The following ZNF679 variants were observed in gnomAD, a reference collection of about 807,000 sequenced individuals.
ZNF679 encodes hypothetical protein MGC42415.
A neutral mutation model predicts 13.4 loss-of-function variants in ZNF679; 10 were observed. That is an observed-to-expected ratio of 0.75 (90% CI 0.46 to 1.27). The LOEUF (loss-of-function observed/expected upper bound fraction) is 1.27, where lower values mean the gene tolerates loss of function less well. Ranked by LOEUF, ZNF679 falls within the 50% of genes most tolerant of loss-of-function variation. ZNF679 has a pLI of 0.00. For missense variants in ZNF679, 525 were observed against 477.8 expected (o/e 1.10, Z -0.92); for synonymous variants, 179 against 162.5 (o/e 1.10, Z -0.77).
chr7:64,237,697 A>G (rs1039842588), intron 1 of ZNF679, among the ~76,000 whole-genome samples: 1 of 152,178 alleles, frequency 6.6e-6, no homozygotes, highest in African/African-American at 2.4e-5. Context: ...CAGTTCCTCA[A>G]TACAGTCCCC....
chr7:64,257,430 T>C (rs537029723), intron 2 of ZNF679, among the ~76,000 whole-genome samples: 1 of 152,334 alleles, frequency 6.6e-6, no homozygotes, highest in East Asian at 1.9e-4. Context: ...TCTATATATT[T>C]TCTTTTAAAA....
intron 2 of ZNF679, among the ~76,000 whole-genome samples, chr7:64,256,597 CTGAG>C (rs1788007683): frequency 6.6e-6 from 1 of 150,932 alleles, no homozygotes; most frequent in Non-Finnish European, 1.5e-5. Context: ...ACTTTTTAGT[CTGAG>C]TGTGTTTATT....
At chr7:64,237,994 G>A (rs1282775449) in intron 1 of ZNF679, among the ~76,000 whole-genome samples, 1 of 152,108 alleles carries the variant, frequency 6.6e-6, no homozygotes, top group Non-Finnish European at 1.5e-5. Context: ...TGTTCTGTAA[G>A]AACAACTTAC....
chr7:64,235,785 G>A (rs978027165), intron 1 of ZNF679, among the ~76,000 whole-genome samples: 13 of 85,558 alleles, frequency 1.5e-4, no homozygotes, highest in East Asian at 8.1e-4. Flanking sequence ...GCGAAACCCC[G>A]TCAAGAAAGA....
At chr7:64,263,894 TG>T (rs1444689254) in intron 4 of ZNF679, among the ~76,000 whole-genome samples, 1 of 152,174 alleles carries the variant, frequency 6.6e-6, no homozygotes, top group African/African-American at 2.4e-5. Context: ...CACTATATAA[TG>T]TTTTTCAGGT....
intron 2 of ZNF679, among the ~76,000 whole-genome samples, chr7:64,256,886 C>T (rs1294599073): frequency 3.3e-5 from 5 of 152,032 alleles, no homozygotes; most frequent in Non-Finnish European, 5.9e-5. Context: ...CTACTAGAGA[C>T]GGGATTTCAC....
intron 4 of ZNF679, among the ~76,000 whole-genome samples, chr7:64,261,973 CAG>C (rs1788083722): frequency 6.6e-6 from 1 of 151,616 alleles, no homozygotes; most frequent in African/African-American, 2.4e-5. Context: ...TCTCCTGCCT[CAG>C]CCTCCTGAGT....
chr7:64,237,278 T>C (rs1442850334), intron 1 of ZNF679, among the ~76,000 whole-genome samples: 1 of 152,210 alleles, frequency 6.6e-6, no homozygotes, highest in Non-Finnish European at 1.5e-5. Flanking sequence ...AGAAGTAATT[T>C]CAGCACAATT....
At chr7:64,245,773 G>A (rs1225189593) in intron 1 of ZNF679, among the ~76,000 whole-genome samples, 4 of 152,258 alleles carry the variant, frequency 2.6e-5, no homozygotes, top group South Asian at 2.1e-4. Flanking sequence ...TCGGGAGGCC[G>A]AGGTGGTGGA....
At chr7:64,260,778 T>C in intron 3 of ZNF679, 56 bp from the exon 4 acceptor site, 1 of 1,527,258 alleles carries the variant, frequency 6.5e-7, no homozygotes, top group South Asian at 1.2e-5. Context: ...TAATACTCGT[T>C]TGGTAATTAA....
At chr7:64,236,910 G>GA (rs1491251990) in intron 1 of ZNF679, among the ~76,000 whole-genome samples, 1 of 110,010 alleles carries the variant, frequency 9.1e-6, no homozygotes, top group Non-Finnish European at 1.9e-5. Flanking sequence ...AAGAAAAAAA[G>GA]AAAGAAAGAA....
At chr7:64,253,321 A>G (rs190359242) in intron 2 of ZNF679, among the ~76,000 whole-genome samples, 175 of 152,240 alleles carry the variant, frequency 1.1e-3, no homozygotes, top group Non-Finnish European at 2.0e-3. Flanking sequence ...GAGCCCTGTA[A>G]CTCCAAGCTA....
intron 2 of ZNF679, among the ~76,000 whole-genome samples, chr7:64,250,474 T>A (rs1787931977): frequency 6.6e-6 from 1 of 151,990 alleles, no homozygotes; most frequent in African/African-American, 2.4e-5. Flanking sequence ...TTTGCCATGT[T>A]GGACAGGCTG....
chr7:64,235,592 C>T (rs1443871205), intron 1 of ZNF679, among the ~76,000 whole-genome samples: 1 of 151,940 alleles, frequency 6.6e-6, no homozygotes, highest in Non-Finnish European at 1.5e-5. Context: ...AGATCAAGAC[C>T]AGGTTGCCCA....
At chr7:64,236,044 A>G (rs1409195315) in intron 1 of ZNF679, among the ~76,000 whole-genome samples, 1 of 152,092 alleles carries the variant, frequency 6.6e-6, no homozygotes, top group Non-Finnish European at 1.5e-5. Flanking sequence ...AGGTGGGTGG[A>G]TCATGAGGTC....
At chr7:64,246,417 G>A (rs1787870501) in intron 1 of ZNF679, among the ~76,000 whole-genome samples, 1 of 152,094 alleles carries the variant, frequency 6.6e-6, no homozygotes, top group African/African-American at 2.4e-5. Flanking sequence ...GTGGGTTCTT[G>A]GATCTCGTAC....
intron 1 of ZNF679, among the ~76,000 whole-genome samples, chr7:64,229,851 G>A (rs1428178797): frequency 6.6e-6 from 1 of 152,164 alleles, no homozygotes; most frequent in East Asian, 1.9e-4. Flanking sequence ...TCTGAATTCA[G>A]GGCCAGGGAT....
At chr7:64,228,736 GA>G (rs1235270920) in intron 1 of ZNF679, 84 bp downstream of exon 1, 1 of 152,224 alleles carries the variant, frequency 6.6e-6, no homozygotes, top group Admixed American at 6.5e-5. Context: ...CCTGCAAACA[GA>G]GTCCTCATAA....
Position 64,249,008 on chromosome 7 carries a change from T to A in ZNF679, c.-90-20T>A. ...ATGCCTCCGTAATTTTCCGGGTCCT[T>A]TGTGTTTCTCTGCGTCCAGAGCTCC... On this transcript the variant is annotated intron_variant, in intron 1 of 4. Transcript: ENST00000421025. 1 of 1,519,360 alleles carries A rather than the reference T, an allele frequency of 6.6e-7. No individual in the cohort carries two copies. Among genetic ancestry groups the A allele is most frequent in the Non-Finnish European group, 9.0e-7 (1 of 1,113,220 alleles). The allele number at this position is 1,519,360 out of a possible 1,614,324, so 94.1% of individuals were successfully genotyped here. A position where few individuals can be genotyped will look rare whatever the true frequency, so the allele number is the denominator to read the frequency against.
Sources: gnomAD v4.1 joint callset for allele counts (sites outside exome capture counted in the v4.1 genomes callset) on GRCh38, gnomAD v4.1.1 for gene constraint, MANE v1.5 for transcripts, NCBI Gene and HGNC (gene_info 2026-07-23, HGNC 2026-07-21) for gene names.